CCDC102B: variants seen among roughly 807,000 people sequenced by gnomAD.
The protein encoded by CCDC102B is coiled-coil domain containing 102B.
Under a neutral mutation model 57.4 loss-of-function variants are expected in CCDC102B, and 75 were observed. The ratio of observed to expected loss-of-function variants is 1.31; its 90% CI spans 1.08 to 1.58. CCDC102B has a LOEUF of 1.58. CCDC102B is among the 40% of genes most tolerant of loss of function. CCDC102B has a pLI of 0.00. For synonymous variants in CCDC102B, 206 were observed against 201.9 expected (o/e 1.02, Z -0.17); for missense variants, 636 against 582.6 (o/e 1.09, Z -0.94).
At chr18:68,818,855 G>A (rs2036590425) in intron 1 of CCDC102B, among the ~76,000 whole-genome samples, 1 of 152,066 alleles carries the variant, frequency 6.6e-6, no homozygotes, top group African/African-American at 2.4e-5. Context: ...GTTTTAATTT[G>A]CACTTCCTTA....
intron 4 of CCDC102B, among the ~76,000 whole-genome samples, chr18:68,851,789 A>G (rs1324807729): frequency 1.3e-5 from 2 of 152,204 alleles, no homozygotes; most frequent in African/African-American, 4.8e-5. Context: ...TAGACTAAAA[A>G]TATATAAGGA....
chr18:68,754,155 GT>G (rs1298020898), intron 2 of CCDC102B: 3 of 132,896 alleles, frequency 2.3e-5, no homozygotes, highest in Non-Finnish European at 4.9e-5. Flanking sequence ...ATTTGAGGAG[GT>G]TTACAATCAA....
At chr18:68,855,005 C>T (rs2038316996) in intron 4 of CCDC102B, among the ~76,000 whole-genome samples, 1 of 152,168 alleles carries the variant, frequency 6.6e-6, no homozygotes, top group African/African-American at 2.4e-5. Flanking sequence ...ACAGGTCAGA[C>T]TCTTATTCCC....
intron 6 of CCDC102B, among the ~76,000 whole-genome samples, chr18:68,976,799 T>G (rs1599781390): frequency 6.6e-6 from 1 of 152,092 alleles, no homozygotes; most frequent in Admixed American, 6.6e-5. Flanking sequence ...TTTTCAAAAT[T>G]TCCTTGGCCT....
chr18:68,796,549 C>T (rs1168606948), upstream of CCDC102B, among the ~76,000 whole-genome samples: 2 of 152,014 alleles, frequency 1.3e-5, no homozygotes, highest in Non-Finnish European at 2.9e-5. Flanking sequence ...GTAATTTAAA[C>T]TATGAGGATG....
At chr18:68,889,030 G>T (rs200401210) in intron 5 of CCDC102B, among the ~76,000 whole-genome samples, 4 of 148,538 alleles carry the variant, frequency 2.7e-5, no homozygotes, top group African/African-American at 4.9e-5. Flanking sequence ...GTTTTTCTTT[G>T]TTTTTTTTTT....
chr18:68,776,687 G>T (rs2034828916), intron 2 of CCDC102B, among the ~76,000 whole-genome samples: 1 of 151,690 alleles, frequency 6.6e-6, no homozygotes, highest in Non-Finnish European at 1.5e-5. Context: ...GGAGGGAGAG[G>T]ATCAGGAAAA....
Position 69,049,971 on chromosome 18 carries a change from G to A in CCDC102B, c.1435-4059G>A, listed in dbSNP as rs943162521. Among the ~76,000 whole-genome samples the A allele has an allele frequency of 8.6e-5, 13 of 151,952 alleles. 1 individual carries two copies. Among genetic ancestry groups the A allele is most frequent in the African/African-American group, 2.9e-4 (12 of 41,372 alleles). On this transcript the variant is annotated intron_variant, in intron 7 of 7. Coordinates refer to ENST00000360242, the MANE Select transcript of CCDC102B (RefSeq NM_024781.3). ...ATTACAGGTGCCCGCCACCATGCCC[G>A]GCTAATTTTTGTATTTTTAGTAGAG...
intron 3 of CCDC102B, among the ~76,000 whole-genome samples, chr18:68,844,341 A>G (rs1020160394): frequency 2.7e-5 from 4 of 150,880 alleles, no homozygotes; most frequent in African/African-American, 9.7e-5. Context: ...AGGAACATAA[A>G]TATATGCTTC....
intron 6 of CCDC102B, among the ~76,000 whole-genome samples, chr18:68,928,648 A>C (rs963370670): frequency 6.6e-6 from 1 of 151,924 alleles, no homozygotes. Flanking sequence ...TGGAAAGGGA[A>C]GAAATGGAAG....
At chr18:68,855,752 TA>T (rs1004188083) in intron 4 of CCDC102B, among the ~76,000 whole-genome samples, 5 of 152,196 alleles carry the variant, frequency 3.3e-5, no homozygotes, top group African/African-American at 1.2e-4. Context: ...AGAGTTCCTG[TA>T]ATCTGCTATG....
intron 6 of CCDC102B, among the ~76,000 whole-genome samples, chr18:68,999,498 C>T (rs905322763): frequency 6.6e-6 from 1 of 151,240 alleles, no homozygotes. Context: ...GCCAGCTACT[C>T]GAGAGGCTGA....
At chr18:69,013,589 G>C in intron 7 of CCDC102B, among the ~76,000 whole-genome samples, 1 of 152,288 alleles carries the variant, frequency 6.6e-6, no homozygotes, top group East Asian at 1.9e-4. Context: ...TTGAAGTCTG[G>C]AATGATGGAA....
intron 6 of CCDC102B, among the ~76,000 whole-genome samples, chr18:68,946,362 G>T (rs1451485566): frequency 1.3e-5 from 2 of 151,852 alleles, no homozygotes; most frequent in African/African-American, 4.8e-5. Flanking sequence ...ATGCATACTT[G>T]CTATCTGCAG....
chr18:68,827,071 T>G (rs2036934110), intron 1 of CCDC102B, among the ~76,000 whole-genome samples: 1 of 152,000 alleles, frequency 6.6e-6, no homozygotes, highest in African/African-American at 2.4e-5. Flanking sequence ...ATTATAGAAC[T>G]GGTAAAACTA....
chr18:68,743,294 G>T (rs1341307323), intron 2 of CCDC102B, among the ~76,000 whole-genome samples: 2 of 152,102 alleles, frequency 1.3e-5, no homozygotes, highest in Non-Finnish European at 2.9e-5. Flanking sequence ...TATAGTCCCA[G>T]CTACTCAGGA....
intron 7 of CCDC102B, among the ~76,000 whole-genome samples, chr18:69,017,891 T>C (rs1320873266): frequency 6.6e-6 from 1 of 152,192 alleles, no homozygotes; most frequent in Non-Finnish European, 1.5e-5. Flanking sequence ...TCACACTGCA[T>C]TAGTCTTTCT....
chr18:69,032,619 G>A (rs2052178832), intron 7 of CCDC102B, among the ~76,000 whole-genome samples: 1 of 151,994 alleles, frequency 6.6e-6, no homozygotes, highest in Non-Finnish European at 1.5e-5. Context: ...TCTTTAATTT[G>A]GATAACATTG....
At chr18:68,801,819 C>A (rs549222527) in intron 1 of CCDC102B, among the ~76,000 whole-genome samples, 1 of 152,122 alleles carries the variant, frequency 6.6e-6, no homozygotes, top group Admixed American at 6.5e-5. Flanking sequence ...GTCTTTCATA[C>A]AATCTTTCCT....
Sources: allele counts gnomAD v4.1 joint callset (sites outside exome capture counted in the v4.1 genomes callset), GRCh38; gene constraint gnomAD v4.1.1; transcripts MANE v1.5; gene names NCBI Gene and HGNC (gene_info 2026-07-23, HGNC 2026-07-21).